KRABD5: variants seen among roughly 807,000 people sequenced by gnomAD.
KRABD5 encodes KRAB domain containing 5, also known as KRAB domain-containing protein 5.
At chr16:31,715,997 AC>A in the KRABD5 span, among the ~76,000 whole-genome samples, 1 of 152,136 alleles carries the variant, frequency 6.6e-6, no homozygotes, top group Non-Finnish European at 1.5e-5. Context: ...CTGTGCTGCC[AC>A]CACATAATTC....
chr16:31,748,916 C>A, the KRABD5 span, among the ~76,000 whole-genome samples: 1 of 152,188 alleles, frequency 6.6e-6, no homozygotes, highest in African/African-American at 2.4e-5. Flanking sequence ...CTGACAACCC[C>A]TGTTGAGGGT....
the KRABD5 span, among the ~76,000 whole-genome samples, chr16:31,748,066 A>C: frequency 1.3e-5 from 2 of 152,100 alleles, no homozygotes; most frequent in Non-Finnish European, 2.9e-5. Flanking sequence ...GTCCTCGCCC[A>C]TGCCTATGTC....
At chr16:31,736,165 C>T in the KRABD5 span, among the ~76,000 whole-genome samples, 1 of 152,038 alleles carries the variant, frequency 6.6e-6, no homozygotes, top group Admixed American at 6.6e-5. Context: ...TGTCTTTTCC[C>T]CAAAGTGTGT....
At chr16:31,756,285 AAACATAT>A in the KRABD5 span, 2 of 152,200 alleles carry the variant, frequency 1.3e-5, no homozygotes, top group Non-Finnish European at 2.9e-5. Flanking sequence ...TAATATGTGT[AAACATAT>A]AGTACATATT....
chr16:31,756,683 A>G, the KRABD5 span: 1 of 152,206 alleles, frequency 6.6e-6, no homozygotes, highest in Non-Finnish European at 1.5e-5. Context: ...TAAATGCCAT[A>G]CTTTTAAAAT....
the KRABD5 span, among the ~76,000 whole-genome samples, chr16:31,735,565 A>C: frequency 6.6e-6 from 1 of 152,082 alleles, no homozygotes; most frequent in African/African-American, 2.4e-5. Context: ...CATCCTCACC[A>C]ATACTTGTTT....
At chr16:31,725,220 A>G in the KRABD5 span, among the ~76,000 whole-genome samples, 1 of 152,094 alleles carries the variant, frequency 6.6e-6, no homozygotes, top group Non-Finnish European at 1.5e-5. Flanking sequence ...GGTTGAAGCT[A>G]TTCTGCCACC....
chr16:31,731,145 A>G, the KRABD5 span, among the ~76,000 whole-genome samples: 1 of 152,184 alleles, frequency 6.6e-6, no homozygotes, highest in Non-Finnish European at 1.5e-5. Context: ...CTGAATGTGA[A>G]GGAGCAAACC....
chr16:31,721,215 T>G, the KRABD5 span, among the ~76,000 whole-genome samples: 1 of 152,164 alleles, frequency 6.6e-6, no homozygotes, highest in Non-Finnish European at 1.5e-5. Context: ...TTTAACACAA[T>G]TTAAAATATT....
At chr16:31,722,799 G>A in the KRABD5 span, 2 of 1,504,220 alleles carry the variant, frequency 1.3e-6, no homozygotes, top group Non-Finnish European at 8.8e-7. Flanking sequence ...ATAACTAAGG[G>A]TTTTATTTCT....
At chr16:31,757,511 T>C in the KRABD5 span, 3 of 152,112 alleles carry the variant, frequency 2.0e-5, no homozygotes, top group Admixed American at 1.3e-4. Flanking sequence ...ATAACCCTAC[T>C]GAGGAGGATG....
chr16:31,754,567 A>G, the KRABD5 span: 33 of 514,494 alleles, frequency 6.4e-5, no homozygotes, highest in Non-Finnish European at 1.2e-4. Context: ...AATGTGAGAA[A>G]GCCTTTCATG....
the KRABD5 span, chr16:31,733,450 T>C: frequency 2.2e-6 from 1 of 452,668 alleles, no homozygotes; most frequent in Non-Finnish European, 4.4e-6. Context: ...GTACAGTTTA[T>C]TAGTGTTAAG....
At chr16:31,725,964 T>C in the KRABD5 span, among the ~76,000 whole-genome samples, 1 of 152,324 alleles carries the variant, frequency 6.6e-6, no homozygotes, top group African/African-American at 2.4e-5. Context: ...TGCAGGCAAT[T>C]TTTAGTTTGA....
chr16:31,721,749 A>T, the KRABD5 span, among the ~76,000 whole-genome samples: 1 of 152,202 alleles, frequency 6.6e-6, no homozygotes, highest in Admixed American at 6.5e-5. Flanking sequence ...TCAATTCCAC[A>T]TCATCCCTGA....
the KRABD5 span, chr16:31,755,317 CA>C: frequency 5.9e-6 from 3 of 506,934 alleles, no homozygotes; most frequent in African/African-American, 5.9e-5. Flanking sequence ...AAGAATGTGG[CA>C]AAGCCTTTAA....
chr16:31,735,144 T>C, the KRABD5 span, among the ~76,000 whole-genome samples: 1 of 152,106 alleles, frequency 6.6e-6, no homozygotes, highest in African/African-American at 2.4e-5. Flanking sequence ...AGGTTACTCA[T>C]TTGAGTAAGA....
the KRABD5 span, among the ~76,000 whole-genome samples, chr16:31,726,093 C>T: frequency 6.6e-6 from 1 of 152,178 alleles, no homozygotes; most frequent in African/African-American, 2.4e-5. Context: ...TGTGTTTCTT[C>T]TAAAAGTTAT....
At chr16:31,730,537 C>G in the KRABD5 span, among the ~76,000 whole-genome samples, 2 of 152,196 alleles carry the variant, frequency 1.3e-5, no homozygotes, top group African/African-American at 4.8e-5. Context: ...GGGGAATCTT[C>G]ATTAGGTTCT....
Sources: gnomAD v4.1 joint callset for allele counts (sites outside exome capture counted in the v4.1 genomes callset) on GRCh38, gnomAD v4.1.1 for gene constraint, MANE v1.5 for transcripts, NCBI Gene and HGNC (gene_info 2026-07-23, HGNC 2026-07-21) for gene names.